Variants in DLG2 observed in about 807,000 individuals in gnomAD.
The protein encoded by DLG2 is discs large MAGUK scaffold protein 2.
A neutral mutation model predicts 132.5 loss-of-function variants in DLG2; 45 were observed. The observed-to-expected ratio is 0.34, with a 90% CI of 0.27 to 0.44. DLG2 has a LOEUF of 0.44. DLG2 is among the 20% of genes least tolerant of loss of function. DLG2 has a pLI of 1.00. For synonymous variants in DLG2, 424 were observed against 419.6 expected (o/e 1.01, Z -0.13); for missense variants, 1,045 against 1,196.9 (o/e 0.87, Z 1.87).
rs561021806 is a variant in DLG2 at position 84,675,003 on chromosome 11, G to T, written c.358-140272C>A. Among the ~76,000 whole-genome samples the T allele has an allele frequency of 8.5e-5, 13 of 152,186 alleles. No individual in the cohort carries two copies. The South Asian group carries it at 2.5e-3, about 29-fold the overall frequency. ...GGATTTATGGAGTTTCCCTAACAGA[G>T]AACTTTTCATTGACTCCTATTCCAT... is the stretch of plus-strand genomic sequence containing the variant. On this transcript the variant is annotated intron_variant, in intron 6 of 27. Transcript: ENST00000376104.
intron 6 of DLG2, among the ~76,000 whole-genome samples, chr11:85,032,265 C>A (rs114873545): frequency 6.6e-6 from 1 of 152,214 alleles, no homozygotes; most frequent in African/African-American, 2.4e-5. Flanking sequence ...AGTTTTCAAT[C>A]CATCAGTTGT....
chr11:83,672,316 T>C (rs1207249885), intron 18 of DLG2, among the ~76,000 whole-genome samples: 4 of 151,952 alleles, frequency 2.6e-5, no homozygotes, highest in African/African-American at 7.3e-5. Flanking sequence ...TCCCAAGTGG[T>C]TGGGACTACA....
intron 22 of DLG2, among the ~76,000 whole-genome samples, chr11:83,477,739 G>GC (rs1319886721): frequency 7.7e-6 from 1 of 130,680 alleles, no homozygotes; most frequent in African/African-American, 2.7e-5. Context: ...GGTGAAAAGA[G>GC]GGGTTTTTTT....
intron 11 of DLG2, among the ~76,000 whole-genome samples, chr11:83,983,511 C>A (rs2092985056): frequency 6.6e-6 from 1 of 151,848 alleles, no homozygotes; most frequent in South Asian, 2.1e-4. Flanking sequence ...CTTAAGATAG[C>A]ATAAATAGTT....
intron 6 of DLG2, among the ~76,000 whole-genome samples, chr11:85,033,917 T>G (rs1244523995): frequency 6.6e-6 from 1 of 152,120 alleles, no homozygotes; most frequent in East Asian, 1.9e-4. Context: ...AAAATAAAAC[T>G]TTTTGCAGTG....
chr11:84,721,736 T>C (rs2061857208), intron 6 of DLG2, among the ~76,000 whole-genome samples: 1 of 151,984 alleles, frequency 6.6e-6, no homozygotes, highest in African/African-American at 2.4e-5. Flanking sequence ...AACATCCGAG[T>C]TTGGAAACAG....
chr11:84,519,458 G>A (rs1331127949), intron 7 of DLG2, among the ~76,000 whole-genome samples: 3 of 152,162 alleles, frequency 2.0e-5, no homozygotes, highest in Non-Finnish European at 4.4e-5. Flanking sequence ...AATAGATGGT[G>A]AAAGCTTATG....
In DLG2 at chr11:84,014,068, G is replaced by C. The variant is rs576014800; in HGVS notation, c.920-33426C>G. 4.6e-5 allele frequency among the ~76,000 whole-genome samples: 7 copies of C among 152,196 alleles called. No homozygotes were observed. The South Asian group carries it at 1.0e-3, about 23-fold the overall frequency. ...AATAGAATTGTATACATACCTAGTA[G>C]AGTTGTGTATTTATCAAGATTCATC... is the stretch of plus-strand genomic sequence containing the variant. On this transcript the variant is annotated intron_variant, in intron 11 of 27. Transcript: ENST00000376104.
intron 6 of DLG2, among the ~76,000 whole-genome samples, chr11:85,018,199 A>G (rs956645555): frequency 6.6e-5 from 10 of 152,296 alleles, no homozygotes; most frequent in Admixed American, 4.6e-4. Context: ...CAAAAGTATA[A>G]CAAAATTGAA....
chr11:85,093,289 C>G (rs2069126291), intron 6 of DLG2, among the ~76,000 whole-genome samples: 1 of 136,322 alleles, frequency 7.3e-6, no homozygotes, highest in African/African-American at 3.0e-5. Context: ...ACAATTCAAT[C>G]ATTTGGCAAG....
intron 18 of DLG2, among the ~76,000 whole-genome samples, chr11:83,671,328 G>A (rs956496266): frequency 1.3e-5 from 2 of 152,138 alleles, no homozygotes; most frequent in Non-Finnish European, 2.9e-5. Context: ...ATGAATGTAG[G>A]GGAAATCAAC....
At chr11:84,362,837 A>G (rs2098657948) in intron 7 of DLG2, among the ~76,000 whole-genome samples, 1 of 152,090 alleles carries the variant, frequency 6.6e-6, no homozygotes, top group Admixed American at 6.6e-5. Context: ...AAGGACATGA[A>G]CTCATCATTT....
intron 11 of DLG2, among the ~76,000 whole-genome samples, chr11:84,035,000 C>T (rs1566137599): frequency 1.3e-5 from 2 of 152,132 alleles, no homozygotes; most frequent in African/African-American, 2.4e-5. Context: ...TAAGAGATGA[C>T]CCAAATGGAG....
In DLG2 at chr11:84,117,113, G is replaced by T. The variant is rs74745591; in HGVS notation, c.625-18066C>A. 2.4e-4 allele frequency among the ~76,000 whole-genome samples: 36 copies of T among 152,270 alleles called. No homozygotes were observed. The East Asian group carries it at 6.2e-3, about 26-fold the overall frequency. On this transcript the variant is annotated intron_variant, in intron 9 of 27. Transcript: ENST00000376104. ...AATTAATTGTCATTTGCTCCAAGAA[G>T]TCTCACTTGATCTCACGCACCCTAA...
chr11:85,583,130 G>GTGTA (rs1555190569), intron 3 of DLG2, among the ~76,000 whole-genome samples: 197 of 13,574 alleles, frequency 0.015, 2 homozygotes, highest in South Asian at 0.026. Flanking sequence ...GTGTGTGTGT[G>GTGTA]TATATATATA....
At chr11:84,720,256 G>T in intron 6 of DLG2, 1 of 984,766 alleles carries the variant, frequency 1.0e-6, no homozygotes, top group Non-Finnish European at 1.2e-6. Flanking sequence ...CTCCCCCGAG[G>T]GAGGCAACAT....
intron 21 of DLG2, among the ~76,000 whole-genome samples, chr11:83,522,808 C>T (rs1421719955): frequency 8.2e-5 from 11 of 134,870 alleles, no homozygotes; most frequent in Admixed American, 1.5e-4. Context: ...TTTAGAGCCC[C>T]CCCCCCCTTT....
intron 18 of DLG2, among the ~76,000 whole-genome samples, chr11:83,657,534 CTTTTTTTTTTTTT>C (rs540422330): frequency 1.1e-5 from 1 of 93,398 alleles, no homozygotes; most frequent in Non-Finnish European, 2.0e-5. Flanking sequence ...ATTGTCTATT[CTTTTTTTTTTTTT>C]TTTTTTTTTG....
intron 11 of DLG2, among the ~76,000 whole-genome samples, chr11:84,035,559 G>A (rs1336819080): frequency 6.6e-6 from 1 of 152,186 alleles, no homozygotes; most frequent in Non-Finnish European, 1.5e-5. Flanking sequence ...AAGGTGCATG[G>A]GCAAGGGGAA....
Sources: allele counts gnomAD v4.1 joint callset (sites outside exome capture counted in the v4.1 genomes callset), GRCh38; gene constraint gnomAD v4.1.1; transcripts MANE v1.5; gene names NCBI Gene and HGNC (gene_info 2026-07-23, HGNC 2026-07-21).